The following ABCD2 variants were observed in gnomAD, a reference collection of about 807,000 sequenced individuals.
ABCD2 encodes the protein ATP-binding cassette sub-family D member 2.
A neutral mutation model predicts 70.9 loss-of-function variants in ABCD2; 36 were observed. That is an observed-to-expected ratio of 0.51 (90% CI 0.39 to 0.67). The LOEUF is 0.67. Among genes scored for constraint, ABCD2 ranks in the 30% least tolerant of loss-of-function variants. The pLI is 0.00. For missense variants in ABCD2, 729 were observed against 890.2 expected (o/e 0.82, Z 2.30); for synonymous variants, 304 against 306.9 (o/e 0.99, Z 0.10).
At chr12:39,567,084 G>A (rs1033898865) in intron 9 of ABCD2, among the ~76,000 whole-genome samples, 116 of 152,316 alleles carry the variant, frequency 7.6e-4, no homozygotes, top group African/African-American at 2.7e-3. Context: ...GTGTGGTGTG[G>A]TGCTTAGAAG....
intron 9 of ABCD2, among the ~76,000 whole-genome samples, chr12:39,569,524 C>A (rs1213722901): frequency 6.6e-6 from 1 of 152,210 alleles, no homozygotes; most frequent in East Asian, 1.9e-4. Context: ...TGCCGTCTGT[C>A]AACCCTTACT....
rs181731231 is a variant in ABCD2 at position 39,590,852 on chromosome 12, G to A, written c.1647-4555C>T. On this transcript the variant is annotated intron_variant, in intron 6 of 9. Coordinates refer to ENST00000308666, the MANE Select transcript of ABCD2 (RefSeq NM_005164.4). ...AGAAAGAATGGGAAAGCACTGAGAAGTGTTAGCTGTATCTATGTGCTTGGA... is the reference window on the plus strand; with the variant it reads ...AGAAAGAATGGGAAAGCACTGAGAAATGTTAGCTGTATCTATGTGCTTGGA... 7.9e-5 allele frequency among the ~76,000 whole-genome samples: 12 copies of A among 151,964 alleles called. No individual in the cohort carries two copies. In the East Asian group the frequency reaches 1.4e-3, roughly 17 times the overall value.
At chr12:39,582,366 T>C (rs1470701842) in intron 7 of ABCD2, among the ~76,000 whole-genome samples, 1 of 152,188 alleles carries the variant, frequency 6.6e-6, no homozygotes, top group Non-Finnish European at 1.5e-5. Flanking sequence ...TAGTAAAACC[T>C]ACATCATTGG....
At chr12:39,556,871 C>T (rs534475301) in intron 9 of ABCD2, among the ~76,000 whole-genome samples, 1 of 151,880 alleles carries the variant, frequency 6.6e-6, no homozygotes, top group Non-Finnish European at 1.5e-5. Context: ...GTAATCCCAG[C>T]TACTCAGGAG....
At chr12:39,566,168 C>G (rs1941343949) in intron 9 of ABCD2, among the ~76,000 whole-genome samples, 1 of 152,146 alleles carries the variant, frequency 6.6e-6, no homozygotes, top group Non-Finnish European at 1.5e-5. Context: ...AGGATTCGCT[C>G]TTTTTCTATT....
At chr12:39,543,086 A>G in the ABCD2 span, among the ~76,000 whole-genome samples, 2 of 152,346 alleles carry the variant, frequency 1.3e-5, no homozygotes, top group East Asian at 1.9e-4. Flanking sequence ...AGGATCACAC[A>G]TGATTGGAAT....
At chr12:39,535,346 A>G in the ABCD2 span, among the ~76,000 whole-genome samples, 11 of 152,308 alleles carry the variant, frequency 7.2e-5, no homozygotes, top group African/African-American at 2.2e-4. Flanking sequence ...AAATCACTAG[A>G]CCTCTCTATA....
At chr12:39,558,929 A>T (rs928807501) in intron 9 of ABCD2, among the ~76,000 whole-genome samples, 1 of 152,236 alleles carries the variant, frequency 6.6e-6, no homozygotes, top group Non-Finnish European at 1.5e-5. Flanking sequence ...GAAAAAAATT[A>T]AAAATGCAAT....
rs1255545355 is a variant in ABCD2, at chr12:39,619,043, C to G, written c.573G>C (p.Gln191His). Residue 191 changes from glutamine (Q) to histidine (H), a missense_variant, in exon 1 of 10, where the codon CAG becomes CAC. By Grantham distance (24) the Gln-to-His change is conservative. Transcript: ENST00000308666. ...DHAYETYFTN[Q>H]TYYKVINMDG... ...CCATATTGATCACTTTATAATAAGTCTGATTTGTAAAATAGGTTTCATAGG... is the reference window on the plus strand; with the variant it reads ...CCATATTGATCACTTTATAATAAGTGTGATTTGTAAAATAGGTTTCATAGG... The G allele has an allele frequency of 6.2e-7, 1 of 1,614,180 alleles. No homozygotes were observed. The highest frequency in any genetic ancestry group is 1.1e-5 in the South Asian group (1 of 91,074).
intron 3 of ABCD2, among the ~76,000 whole-genome samples, chr12:39,607,336 A>G (rs1941982279): frequency 6.6e-6 from 1 of 152,156 alleles, no homozygotes. Context: ...CAGAGTTCAT[A>G]CCTAAGGGTT....
chr12:39,610,918 A>G (rs1411927380), intron 2 of ABCD2, among the ~76,000 whole-genome samples: 1 of 152,178 alleles, frequency 6.6e-6, no homozygotes, highest in African/African-American at 2.4e-5. Flanking sequence ...AGTGCCAGAG[A>G]TATAAATCCA....
At chr12:39,562,603 A>T (rs1941276901) in intron 9 of ABCD2, among the ~76,000 whole-genome samples, 1 of 152,148 alleles carries the variant, frequency 6.6e-6, no homozygotes, top group Non-Finnish European at 1.5e-5. Context: ...ATAAATTTTG[A>T]ACACATACAA....
chr12:39,596,484 T>A (rs1199556232), intron 6 of ABCD2, among the ~76,000 whole-genome samples: 1 of 152,216 alleles, frequency 6.6e-6, no homozygotes, highest in Non-Finnish European at 1.5e-5. Flanking sequence ...TCTCCCTTTT[T>A]TTCTTTTTCT....
At chr12:39,548,313 A>G (rs1392063089), downstream of ABCD2, among the ~76,000 whole-genome samples, 1 of 152,094 alleles carries the variant, frequency 6.6e-6, no homozygotes, top group Non-Finnish European at 1.5e-5. Context: ...CTTTTGATTC[A>G]TGATATTTTC....
intron 9 of ABCD2, among the ~76,000 whole-genome samples, chr12:39,562,409 T>A (rs1443583605): frequency 6.6e-6 from 1 of 151,676 alleles, no homozygotes; most frequent in Non-Finnish European, 1.5e-5. Flanking sequence ...AATAATTGAT[T>A]TTTTCAAAGA....
In ABCD2 at chr12:39,612,934, C is replaced by T. The variant is rs182686002; in HGVS notation, c.1120+4054G>A. Among the ~76,000 whole-genome samples the T allele has an allele frequency of 3.5e-3, 536 of 152,296 alleles. 4 individuals are homozygous for T. The highest frequency in any genetic ancestry group is 0.01 in the Middle Eastern group (3 of 294). On this transcript the variant is annotated intron_variant, in intron 2 of 9. Coordinates refer to ENST00000308666, the MANE Select transcript of ABCD2 (RefSeq NM_005164.4). The stretch of plus-strand genomic sequence containing the variant: ...CACTCACAGATCACAAACATGTTGA[C>T]ATTACTGGCAGTGCTAGTAGCTTAG...
chr12:39,619,691 G>A lies in ABCD2; in HGVS notation c.-76C>T, dbSNP rs564095947. The A allele has an allele frequency of 9.2e-6, 12 of 1,308,356 alleles. No homozygotes were observed. In the African/African-American group the frequency reaches 1.2e-4, roughly 13 times the overall value. 81.0% of individuals were successfully genotyped at this position (1,308,356 alleles called of 1,614,324 possible). A position where few individuals can be genotyped will look rare whatever the true frequency, so the allele number is the denominator to read the frequency against. On this transcript the variant is annotated 5_prime_UTR_variant, in exon 1 of 10. Coordinates refer to ENST00000308666, the MANE Select transcript of ABCD2 (RefSeq NM_005164.4). Reference sequence around the variant, plus strand: ...TGCTTCACAGAAATCCCCAGCAAATGTTTTAGAAAGTCCTACAGCGTCCCA... The same window carrying A: ...TGCTTCACAGAAATCCCCAGCAAATATTTTAGAAAGTCCTACAGCGTCCCA...
rs566900096 is a variant in ABCD2 at position 39,615,497 on chromosome 12, A to G, written c.1120+1491T>C. Among the ~76,000 whole-genome samples, 6 of 152,158 alleles carry G rather than the reference A, an allele frequency of 3.9e-5. No homozygotes were observed. In the South Asian group the frequency reaches 1.2e-3, roughly 32 times the overall value. ...ACTATTACTAACAATACCTTTTTCA[A>G]TATAAACTTTTTAAAATTAAATTCT... On this transcript the variant is annotated intron_variant, in intron 2 of 9. Coordinates refer to ENST00000308666, the MANE Select transcript of ABCD2 (RefSeq NM_005164.4).
rs961651942 is a variant in ABCD2 at position 39,552,523 on chromosome 12, T to C, written c.*1389A>G. 3.9e-5 allele frequency: 6 copies of C among 151,974 alleles called. No individual in the cohort carries two copies. The highest frequency in any genetic ancestry group is 1.2e-4 in the African/African-American group (5 of 41,434). 9.4% of individuals were successfully genotyped at this position (151,974 alleles called of 1,614,324 possible). On this transcript the variant is annotated 3_prime_UTR_variant, in exon 10 of 10. Coordinates refer to ENST00000308666, the MANE Select transcript of ABCD2 (RefSeq NM_005164.4). ...TTTCATATGACTAGTCCATATAGAT[T>C]ATTTCTCATTATGTTCAATAAATAT...
Sources: gnomAD v4.1 joint callset for allele counts (sites outside exome capture counted in the v4.1 genomes callset) on GRCh38, gnomAD v4.1.1 for gene constraint, MANE v1.5 for transcripts, NCBI Gene and HGNC (gene_info 2026-07-23, HGNC 2026-07-21) for gene names.